TENM2: variants seen among roughly 807,000 people sequenced by gnomAD.
The protein encoded by TENM2 is teneurin-2.
A neutral mutation model predicts 245.2 loss-of-function variants in TENM2; 52 were observed. The ratio of observed to expected loss-of-function variants is 0.21; its 90% CI spans 0.17 to 0.27. The LOEUF (loss-of-function observed/expected upper bound fraction) is 0.27. Among genes scored for constraint, TENM2 ranks in the 10% least tolerant of loss-of-function variants. The pLI is 1.00. For synonymous variants in TENM2, 1,363 were observed against 1,438.9 expected, an observed-to-expected ratio of 0.95 and a Z score of 1.19; for missense variants, 3,046 against 3,666.8, an observed-to-expected ratio of 0.83 and a Z score of 4.37.
At chr5:167,079,408 G>A in the TENM2 span, among the ~76,000 whole-genome samples, 1 of 150,682 alleles carries the variant, frequency 6.6e-6, no homozygotes, top group South Asian at 2.1e-4. Flanking sequence ...CCGCCTCCCA[G>A]GTTCAAGAGA....
chr5:167,780,398 C>T (rs1210742002), intron 2 of TENM2, among the ~76,000 whole-genome samples: 1 of 152,240 alleles, frequency 6.6e-6, no homozygotes, highest in Non-Finnish European at 1.5e-5. Context: ...CAAGGCAACA[C>T]TCTGCCTTAT....
At chr5:167,467,837 A>G (rs1766765898) in intron 2 of TENM2, among the ~76,000 whole-genome samples, 1 of 152,188 alleles carries the variant, frequency 6.6e-6, no homozygotes, top group Admixed American at 6.5e-5. Context: ...TAGATTAAGT[A>G]TTTGGTTACC....
At chr5:167,265,331 C>CAAAAAAAAAA in the TENM2 span, among the ~76,000 whole-genome samples, 4 of 39,398 alleles carry the variant, frequency 1.0e-4, no homozygotes, top group African/African-American at 3.2e-4. Flanking sequence ...GACTCTGTCT[C>CAAAAAAAAAA]AAAAAAAAAA....
chr5:167,768,065 C>T (rs1313403334), intron 2 of TENM2, among the ~76,000 whole-genome samples: 1 of 152,116 alleles, frequency 6.6e-6, no homozygotes, highest in Admixed American at 6.6e-5. Context: ...TCATTCTCTC[C>T]CTTATTAGTA....
intron 2 of TENM2, among the ~76,000 whole-genome samples, chr5:167,716,647 G>A (rs1759278646): frequency 6.6e-6 from 1 of 152,118 alleles, no homozygotes; most frequent in African/African-American, 2.4e-5. Context: ...ACAGCTTCCA[G>A]TAAAATAGCC....
At chr5:167,567,596 G>A (rs1259252353) in intron 2 of TENM2, among the ~76,000 whole-genome samples, 1 of 152,070 alleles carries the variant, frequency 6.6e-6, no homozygotes, top group Non-Finnish European at 1.5e-5. Flanking sequence ...GCTTCCAGAG[G>A]GCAGTTGTTA....
intron 4 of TENM2, among the ~76,000 whole-genome samples, chr5:167,966,711 T>C (rs1347010367): frequency 6.6e-6 from 1 of 152,218 alleles, no homozygotes; most frequent in Non-Finnish European, 1.5e-5. Flanking sequence ...AAGGATTAAT[T>C]TTCTGACAGA....
At chr5:167,239,608 C>A in the TENM2 span, among the ~76,000 whole-genome samples, 4 of 152,154 alleles carry the variant, frequency 2.6e-5, no homozygotes, top group Non-Finnish European at 5.9e-5. Flanking sequence ...CTTCCTCCCC[C>A]ACTAGTAGTC....
intron 2 of TENM2, among the ~76,000 whole-genome samples, chr5:167,765,349 C>T (rs1243697671): frequency 1.3e-5 from 2 of 152,092 alleles, no homozygotes; most frequent in African/African-American, 4.8e-5. Context: ...GAGTTGTGCC[C>T]CAGAAGGTGC....
intron 2 of TENM2, among the ~76,000 whole-genome samples, chr5:167,412,965 C>G (rs1762984988): frequency 6.6e-6 from 1 of 151,754 alleles, no homozygotes; most frequent in Admixed American, 6.6e-5. Context: ...AGTATTTGAG[C>G]CCCTGCCAAA....
At chr5:167,841,886 CT>C (rs909805922) in intron 2 of TENM2, among the ~76,000 whole-genome samples, 1 of 151,812 alleles carries the variant, frequency 6.6e-6, no homozygotes, top group Non-Finnish European at 1.5e-5. Context: ...ATTTTTAAAA[CT>C]TTTTATTAAT....
At chr5:167,375,169 A>G in intron 1 of TENM2, 29 bp from the exon 4 acceptor site, 2 of 1,538,068 alleles carry the variant, frequency 1.3e-6, no homozygotes, top group Non-Finnish European at 8.7e-7. Flanking sequence ...CACAAATTTT[A>G]ATCAGCTTCT....
chr5:167,583,187 C>T (rs769081827), intron 2 of TENM2, among the ~76,000 whole-genome samples: 11 of 152,096 alleles, frequency 7.2e-5, no homozygotes, highest in Non-Finnish European at 7.3e-5. Context: ...CATTCGAATT[C>T]GGGGATAAAT....
At chr5:168,240,541 T>C (rs1765989607) in intron 25 of TENM2, among the ~76,000 whole-genome samples, 3 of 152,088 alleles carry the variant, frequency 2.0e-5, no homozygotes, top group African/African-American at 7.2e-5. Context: ...GTTGTGTAAA[T>C]TAGACAAAAC....
chr5:167,468,921 T>C (rs141326698), intron 2 of TENM2, among the ~76,000 whole-genome samples: 2 of 152,288 alleles, frequency 1.3e-5, no homozygotes, highest in Non-Finnish European at 2.9e-5. Context: ...TTGTACTCAA[T>C]TGAAGGTCTA....
At chr5:168,135,971 T>C (rs1312462055) in intron 12 of TENM2, among the ~76,000 whole-genome samples, 1 of 152,176 alleles carries the variant, frequency 6.6e-6, no homozygotes, top group Non-Finnish European at 1.5e-5. Context: ...TCTCTACAAA[T>C]AGCCTCATTC....
intron 2 of TENM2, among the ~76,000 whole-genome samples, chr5:167,557,013 T>A (rs536951530): frequency 1.6e-4 from 25 of 152,328 alleles, no homozygotes; most frequent in African/African-American, 5.1e-4. Flanking sequence ...TTAAGTTTTT[T>A]ATTGTTTGTT....
the TENM2 span, among the ~76,000 whole-genome samples, chr5:167,136,332 C>A: frequency 2.0e-5 from 3 of 152,138 alleles, no homozygotes; most frequent in African/African-American, 7.2e-5. Context: ...TGAGTCCCAC[C>A]AGTTTTCAGT....
chr5:167,852,300 C>G (rs1480878954), intron 2 of TENM2, among the ~76,000 whole-genome samples: 2 of 152,154 alleles, frequency 1.3e-5, no homozygotes, highest in East Asian at 3.8e-4. Flanking sequence ...TATCATTAAG[C>G]ATATGCCAAG....
Sources: gnomAD v4.1 joint callset for allele counts (sites outside exome capture counted in the v4.1 genomes callset) on GRCh38, gnomAD v4.1.1 for gene constraint, MANE v1.5 for transcripts, NCBI Gene and HGNC (gene_info 2026-07-23, HGNC 2026-07-21) for gene names.